The following TTLL8 variants were observed in gnomAD, a reference collection of about 807,000 sequenced individuals.
TTLL8 encodes the protein protein monoglycylase TTLL8.
TTLL8 carries 65 observed loss-of-function variants against 77.8 expected under a neutral mutation model. That is an observed-to-expected ratio of 0.84 (90% CI 0.68 to 1.03). The LOEUF (loss-of-function observed/expected upper bound fraction) is 1.03. Among genes scored for constraint, TTLL8 ranks in the 50% least tolerant of loss-of-function variants. TTLL8 has a pLI of 0.00. For missense variants in TTLL8, 910 were observed against 1,004.5 expected (o/e 0.91, Z 1.27); for synonymous variants, 402 against 422.8 (o/e 0.95, Z 0.60).
intron 6 of TTLL8, among the ~76,000 whole-genome samples, chr22:50,043,525 C>G (rs1044042651): frequency 7.1e-6 from 1 of 140,274 alleles, no homozygotes; most frequent in Non-Finnish European, 1.6e-5. Flanking sequence ...ACAGTGGTAC[C>G]GAGACACCCT....
intron 12 of TTLL8, chr22:50,027,466 G>GGCA (rs2061237009): frequency 4.2e-6 from 1 of 240,402 alleles, no homozygotes; most frequent in African/African-American, 2.3e-5. Flanking sequence ...CCCGGGATAT[G>GGCA]GAGGTTGCAG....
At chr22:50,054,097 T>C (rs1431664850) in intron 1 of TTLL8, among the ~76,000 whole-genome samples, 1 of 152,214 alleles carries the variant, frequency 6.6e-6, no homozygotes, top group Non-Finnish European at 1.5e-5. Flanking sequence ...GCACTTTCAG[T>C]GTGTGCTGTA....
chr22:50,041,197 C>T lies in TTLL8; in HGVS notation c.911G>A (p.Arg304Gln), dbSNP rs534081364. 5 of 454,626 alleles carry T rather than the reference C, an allele frequency of 1.1e-5. No homozygotes were observed. The highest frequency in any genetic ancestry group is 6.4e-5 in the African/African-American group (3 of 46,738). 28.2% of individuals were successfully genotyped at this position (454,626 alleles called of 1,614,324 possible). A position where few individuals can be genotyped will look rare whatever the true frequency, so the allele number is the denominator to read the frequency against. ...ACAGACAAACCCCACCTGCCTGTCT[C>T]GGGCTGTGGGGGGCTCAAATGACAT... is the stretch of plus-strand genomic sequence containing the variant. Residue 304 changes from arginine (R) to glutamine (Q), a missense_variant, in exon 8 of 14, where the codon CGA becomes CAA. Physicochemically the swap from Arg to Gln is conservative, Grantham distance 43. Transcript: ENST00000266182. This position sits in a 1 kb window ranked among gnomAD's most constrained non-coding sequence, Gnocchi z 4.3.
upstream of TTLL8, among the ~76,000 whole-genome samples, chr22:50,057,225 GGGGATCAGGTC>G: frequency 7.4e-6 from 1 of 134,936 alleles, no homozygotes; most frequent in African/African-American, 3.0e-5. Flanking sequence ...CTCTGGGGTT[GGGGATCAGGTC>G]TGGGTTGAGG....
chr22:50,057,374 G>GTCA (rs2061479006), upstream of TTLL8, among the ~76,000 whole-genome samples: 2 of 103,746 alleles, frequency 1.9e-5, no homozygotes, highest in Non-Finnish European at 1.8e-5. Context: ...CTGGGTTGGG[G>GTCA]GATCAGGTCT....
Position 50,027,854 on chromosome 22 carries a change from G to A in TTLL8, c.2203+2576C>T, listed in dbSNP as rs550922315. Reference sequence around the variant, plus strand: ...TCTGGAAGCAAGCCCAGCTCCTCCCGGCCGTGCCCTCGAGGGCCTGACCGC... The same window carrying A: ...TCTGGAAGCAAGCCCAGCTCCTCCCAGCCGTGCCCTCGAGGGCCTGACCGC... On this transcript the variant is annotated intron_variant, in intron 12 of 13. Coordinates refer to ENST00000266182, the Ensembl canonical transcript of TTLL8. 80 of 970,116 alleles carry A rather than the reference G, an allele frequency of 8.2e-5. 2 individuals carry two copies. In the South Asian group the frequency reaches 1.6e-3, roughly 20 times the overall value. 60.1% of individuals were successfully genotyped at this position (970,116 alleles called of 1,614,324 possible).
In TTLL8 at chr22:50,027,307, G is replaced by A. The variant is rs578168041; in HGVS notation, c.2203+3123C>T. The stretch of plus-strand genomic sequence containing the variant: ...CCAACACTTTGGGAGGCCAAGGTGC[G>A]TGGATTGCCTGAGCTTAGGAGTTTC... On this transcript the variant is annotated intron_variant, in intron 12 of 13. Coordinates refer to ENST00000266182, the Ensembl canonical transcript of TTLL8. Among the ~76,000 whole-genome samples the A allele has an allele frequency of 1.1e-4, 17 of 151,908 alleles. No individual in the cohort carries two copies. The South Asian group carries it at 3.3e-3, about 30-fold the overall frequency.
At chr22:50,023,357 C>T (rs1014307529) in intron 12 of TTLL8, among the ~76,000 whole-genome samples, 1 of 152,146 alleles carries the variant, frequency 6.6e-6, no homozygotes. Flanking sequence ...AGATTTGACA[C>T]AATCTCAATA....
rs1347132926 is a variant in TTLL8, at chr22:50,034,921, C to T, written c.922-459G>A. On this transcript the variant is annotated intron_variant, in intron 8 of 13. Transcript: ENST00000266182. This position sits in a 1 kb window ranked among gnomAD's most constrained non-coding sequence, Gnocchi z 4.1. ...ACCCCTGGTAGGAAAGTGGCCGGCCCGTGCAGGCCTCCTGTGTCCCGGCCA... is the reference window on the plus strand; with the variant it reads ...ACCCCTGGTAGGAAAGTGGCCGGCCTGTGCAGGCCTCCTGTGTCCCGGCCA... 1.3e-5 allele frequency among the ~76,000 whole-genome samples: 2 copies of T among 152,210 alleles called. No individual in the cohort carries two copies. The highest frequency in any genetic ancestry group is 6.5e-5 in the Admixed American group (1 of 15,286).
At chr22:50,033,175 G>A (rs906511614) in intron 10 of TTLL8, 27 bp downstream of exon 11, 2 of 1,299,264 alleles carry the variant, frequency 1.5e-6, no homozygotes, top group Non-Finnish European at 1.0e-6. Context: ...CCTGGCCCGA[G>A]GTGTCCAGGT....
Position 50,041,696 on chromosome 22 carries a change from G to T in TTLL8, c.755C>A (p.Thr252Lys), listed in dbSNP as rs376429625. The T allele has an allele frequency of 6.6e-6, 9 of 1,366,918 alleles. No individual in the cohort carries two copies. The highest frequency in any genetic ancestry group is 1.9e-5 in the Admixed American group (1 of 52,488). The allele number at this position is 1,366,918 out of a possible 1,614,324, so 84.7% of individuals were successfully genotyped here. Reference sequence around the variant, plus strand: ...GAGGTCCTCCACGGCATCTGCTGACGTGTCGATGTCCTCATGCTCCAGCTG... The same window carrying T: ...GAGGTCCTCCACGGCATCTGCTGACTTGTCGATGTCCTCATGCTCCAGCTG... Residue 252 changes from threonine to lysine, a missense_variant, in exon 7 of 14, where the codon ACG becomes AAG. Physicochemically the swap from Thr to Lys is moderately conservative, Grantham distance 78. This residue lies in a region of TTLL8 where 776 missense variants were observed against 926.1 expected (regional missense o/e 0.84). Coordinates refer to ENST00000266182, the Ensembl canonical transcript of TTLL8. The surrounding 1 kb of genome is among the most constrained non-coding windows in gnomAD (Gnocchi z 4.3).
chr22:50,028,230 A>G (rs1371533606), intron 12 of TTLL8, among the ~76,000 whole-genome samples: 1 of 152,228 alleles, frequency 6.6e-6, no homozygotes, highest in Non-Finnish European at 1.5e-5. Flanking sequence ...TTTCCTCTTC[A>G]GCATGGTAAT....
chr22:50,019,631 G>A (rs2061183807), intron 12 of TTLL8, among the ~76,000 whole-genome samples: 1 of 152,158 alleles, frequency 6.6e-6, no homozygotes, highest in Admixed American at 6.5e-5. Context: ...AGGGAGGTGG[G>A]TCCCCAGCTC....
chr22:50,020,504 T>C (rs1265590389), intron 12 of TTLL8, among the ~76,000 whole-genome samples: 1 of 148,140 alleles, frequency 6.8e-6, no homozygotes, highest in African/African-American at 2.5e-5. Context: ...CACTCCTCCA[T>C]CTGACAACAT....
Position 50,033,592 on chromosome 22 carries a change from G to A in TTLL8, c.1040-147C>T, listed in dbSNP as rs963742739. On this transcript the variant is annotated intron_variant, in intron 9 of 13. Coordinates refer to ENST00000266182, the Ensembl canonical transcript of TTLL8. Reference sequence around the variant, plus strand: ...AGCAGGCAGCATGGTTGGTGGGGGCGATGGGGGAGCAGGGAAGGCTTAGCG... The same window carrying A: ...AGCAGGCAGCATGGTTGGTGGGGGCAATGGGGGAGCAGGGAAGGCTTAGCG... 2.8e-5 allele frequency: 18 copies of A among 647,734 alleles called. No homozygotes were observed. In the East Asian group the frequency reaches 3.4e-4, roughly 12 times the overall value. The allele number at this position is 647,734 out of a possible 1,614,324, so 40.1% of individuals were successfully genotyped here.
At chr22:50,019,001 C>T (rs1312408456) in intron 12 of TTLL8, among the ~76,000 whole-genome samples, 1 of 152,020 alleles carries the variant, frequency 6.6e-6, no homozygotes, top group Admixed American at 6.5e-5. Flanking sequence ...ATAATCATGC[C>T]CAGTAGACTG....
chr22:50,045,682 C>A, intron 5 of TTLL8, 174 bp downstream of exon 7: 1 of 855,282 alleles, frequency 1.2e-6, no homozygotes, highest in Non-Finnish European at 1.4e-6. Flanking sequence ...TGACTGCCCG[C>A]CCTCCCTCCC....
At chr22:50,019,735 G>A (rs959279101) in intron 12 of TTLL8, among the ~76,000 whole-genome samples, 8 of 152,146 alleles carry the variant, frequency 5.3e-5, no homozygotes, top group Admixed American at 3.3e-4. Flanking sequence ...AGCCCTTCTC[G>A]GACTCCTGAG....
exon 10 of TTLL8, chr22:50,033,354 C>T: frequency 7.3e-7 from 1 of 1,365,540 alleles, no homozygotes; most frequent in Non-Finnish European, 9.8e-7. Flanking sequence ...TCTCGATGTA[C>T]TTCTGGACCA....
Sources: allele counts gnomAD v4.1 joint callset (sites outside exome capture counted in the v4.1 genomes callset), GRCh38; gene constraint gnomAD v4.1.1; regional missense constraint gnomAD v4.1.1; non-coding constraint Gnocchi (gnomAD v3.1); transcripts MANE v1.5; gene names NCBI Gene and HGNC (gene_info 2026-07-23, HGNC 2026-07-21).